Variants in MGAT4C observed in about 807,000 individuals in gnomAD.
The protein encoded by MGAT4C is alpha-1,3-mannosyl-glycoprotein 4-beta-N-acetylglucosaminyltransferase C.
Under a neutral mutation model 40.1 loss-of-function variants are expected in MGAT4C, and 19 were observed. The ratio of observed to expected loss-of-function variants is 0.47; its 90% CI spans 0.33 to 0.70. The LOEUF (loss-of-function observed/expected upper bound fraction) is 0.70. Ranked by LOEUF, MGAT4C falls within the 30% of genes least tolerant of loss-of-function variation. MGAT4C has a pLI of 0.02. For synonymous variants in MGAT4C, 181 were observed against 187.1 expected (o/e 0.97, Z 0.27); for missense variants, 491 against 563.2 (o/e 0.87, Z 1.30).
intron 2 of MGAT4C, among the ~76,000 whole-genome samples, chr12:86,504,267 A>C (rs1958431110): frequency 6.6e-6 from 1 of 152,112 alleles, no homozygotes; most frequent in Non-Finnish European, 1.5e-5. Context: ...CTATCCTATG[A>C]CTCAGAAATT....
At chr12:86,045,042 C>T (rs1892250955) in intron 2 of MGAT4C, among the ~76,000 whole-genome samples, 2 of 151,970 alleles carry the variant, frequency 1.3e-5, no homozygotes, top group Admixed American at 1.3e-4. Context: ...TAGTCCCGTT[C>T]AGGGTTCCCA....
At chr12:86,733,036 C>T (rs139633632) in intron 1 of MGAT4C, among the ~76,000 whole-genome samples, 18 of 151,938 alleles carry the variant, frequency 1.2e-4, no homozygotes, top group Admixed American at 2.0e-4. Flanking sequence ...ACATAATAGA[C>T]GAAGATTTGG....
chr12:86,717,373 GT>G (rs1950661307), intron 2 of MGAT4C, among the ~76,000 whole-genome samples: 1 of 152,056 alleles, frequency 6.6e-6, no homozygotes, highest in African/African-American at 2.4e-5. Flanking sequence ...TTAAAACTTA[GT>G]TTTCCCTCAC....
intron 2 of MGAT4C, among the ~76,000 whole-genome samples, chr12:86,597,027 G>A (rs1239371426): frequency 6.6e-6 from 1 of 152,102 alleles, no homozygotes; most frequent in Non-Finnish European, 1.5e-5. Context: ...GACTCTTTGT[G>A]GCAATAAGAT....
chr12:86,220,601 T>G (rs759733840), intron 1 of MGAT4C, among the ~76,000 whole-genome samples: 1 of 152,182 alleles, frequency 6.6e-6, no homozygotes, highest in Non-Finnish European at 1.5e-5. Context: ...TGATTCCTAA[T>G]GCATAAAGCA....
intron 3 of MGAT4C, among the ~76,000 whole-genome samples, chr12:86,342,221 G>A (rs1331369653): frequency 6.6e-6 from 1 of 152,130 alleles, no homozygotes; most frequent in African/African-American, 2.4e-5. Flanking sequence ...TGGAAAATCT[G>A]AGGTGACTAG....
At chr12:86,601,607 A>C (rs990744055) in intron 2 of MGAT4C, among the ~76,000 whole-genome samples, 1 of 152,066 alleles carries the variant, frequency 6.6e-6, no homozygotes, top group East Asian at 1.9e-4. Context: ...CCAGGAACTC[A>C]GGACCCCCAG....
chr12:86,131,890 A>G (rs1036589542), intron 1 of MGAT4C, among the ~76,000 whole-genome samples: 2 of 152,268 alleles, frequency 1.3e-5, no homozygotes, highest in African/African-American at 4.8e-5. Context: ...TCAAATATAA[A>G]CTATTGTGTG....
Position 85,975,200 on chromosome 12 carries a change from CAT to C in MGAT4C, c.*4087_*4088del, listed in dbSNP as rs1440000775. 1 of 150,870 alleles carries C rather than the reference CAT, an allele frequency of 6.6e-6. No homozygotes were observed. Among genetic ancestry groups the C allele is most frequent in the Non-Finnish European group, 1.5e-5 (1 of 67,126 alleles). The allele number at this position is 150,870 out of a possible 1,614,324, so 9.3% of individuals were successfully genotyped here. A position where few individuals can be genotyped will look rare whatever the true frequency, so the allele number is the denominator to read the frequency against. ...TTAGGAAAGTGTCTGTATAATTCCA[CAT>C]GATATTCTCTGGACAAAATATGAAA... is the stretch of plus-strand genomic sequence containing the variant. On this transcript the variant is annotated 3_prime_UTR_variant, in exon 5 of 5. Coordinates refer to ENST00000611864, the MANE Select transcript of MGAT4C (RefSeq NM_001351288.2).
intron 2 of MGAT4C, among the ~76,000 whole-genome samples, chr12:85,999,583 G>A (rs377282902): frequency 1.9e-4 from 23 of 122,970 alleles, no homozygotes; most frequent in South Asian, 1.2e-3. Flanking sequence ...GTGTGTGTGT[G>A]TATATATATA....
At chr12:86,709,872 C>T (rs1565941147) in intron 2 of MGAT4C, among the ~76,000 whole-genome samples, 1 of 152,038 alleles carries the variant, frequency 6.6e-6, no homozygotes, top group Non-Finnish European at 1.5e-5. Context: ...TTTATTTGTG[C>T]TAATACTCTT....
At chr12:86,364,415 T>C (rs1955548128) in intron 3 of MGAT4C, among the ~76,000 whole-genome samples, 1 of 152,116 alleles carries the variant, frequency 6.6e-6, no homozygotes, top group Admixed American at 6.6e-5. Flanking sequence ...TCTTCCAGGA[T>C]TTTTAGAGTT....
chr12:86,014,069 G>A (rs1888806769), intron 2 of MGAT4C, among the ~76,000 whole-genome samples: 1 of 151,744 alleles, frequency 6.6e-6, no homozygotes. Context: ...CTTATTTTTG[G>A]TAGGCTCAGT....
chr12:86,270,625 CA>C (rs1952922362), intron 4 of MGAT4C, among the ~76,000 whole-genome samples: 1 of 152,076 alleles, frequency 6.6e-6, no homozygotes, highest in Non-Finnish European at 1.5e-5. Flanking sequence ...ATGCAATCCC[CA>C]TCAAAATATC....
chr12:86,534,307 T>G (rs1283664966), intron 2 of MGAT4C, among the ~76,000 whole-genome samples: 1 of 152,142 alleles, frequency 6.6e-6, no homozygotes, highest in Non-Finnish European at 1.5e-5. Context: ...ACACTTTAAA[T>G]CACTTGCCAA....
intron 3 of MGAT4C, among the ~76,000 whole-genome samples, chr12:86,367,880 A>G (rs917186493): frequency 1.3e-5 from 2 of 152,198 alleles, no homozygotes; most frequent in Non-Finnish European, 2.9e-5. Context: ...TCTCTAAGAG[A>G]GTGGGCTCCG....
At chr12:86,717,887 G>T (rs1330987943) in intron 2 of MGAT4C, among the ~76,000 whole-genome samples, 1 of 152,090 alleles carries the variant, frequency 6.6e-6, no homozygotes, top group African/African-American at 2.4e-5. Context: ...TAGGAAATTT[G>T]ATATAAATTT....
chr12:86,187,763 A>G (rs1256419256), intron 1 of MGAT4C, among the ~76,000 whole-genome samples: 1 of 145,600 alleles, frequency 6.9e-6, no homozygotes, highest in East Asian at 2.0e-4. Flanking sequence ...AAAAAAAAAA[A>G]TGTCATTTTT....
Position 86,523,789 on chromosome 12 carries a change from T to C in MGAT4C, c.-228-88524A>G, listed in dbSNP as rs78188374. On this transcript the variant is annotated intron_variant, in intron 2 of 7. Coordinates refer to the MGAT4C transcript ENST00000548651. The stretch of plus-strand genomic sequence containing the variant: ...TGCTACTGTGTTGGATGCATATATA[T>C]TTAGGATAGTTAGGTGTTCTTGTAG... Among the ~76,000 whole-genome samples, 500 of 152,320 alleles carry C rather than the reference T, an allele frequency of 3.3e-3. 1 individual carries two copies. The highest frequency in any genetic ancestry group is 0.012 in the African/African-American group (483 of 41,578).
Sources: allele counts gnomAD v4.1 joint callset (sites outside exome capture counted in the v4.1 genomes callset), GRCh38; gene constraint gnomAD v4.1.1; transcripts MANE v1.5; gene names NCBI Gene and HGNC (gene_info 2026-07-23, HGNC 2026-07-21).